MARCHF1: variants seen among roughly 807,000 people sequenced by gnomAD.
MARCHF1 encodes membrane associated ring-CH-type finger 1, also known as E3 ubiquitin-protein ligase MARCHF1.
Under a neutral mutation model 54.2 loss-of-function variants are expected in MARCHF1, and 40 were observed. The ratio of observed to expected loss-of-function variants is 0.74; its 90% CI spans 0.57 to 0.96. The LOEUF is 0.96. MARCHF1 is among the 40% of genes least tolerant of loss of function. The pLI is 0.00. For missense variants in MARCHF1, 586 were observed against 656.5 expected, an observed-to-expected ratio of 0.89 and a Z score of 1.17; for synonymous variants, 236 against 236.3, an observed-to-expected ratio of 1.00 and a Z score of 0.01.
At chr4:164,271,711 T>C (rs182776442) in intron 1 of MARCHF1, among the ~76,000 whole-genome samples, 73 of 152,120 alleles carry the variant, frequency 4.8e-4, no homozygotes, top group African/African-American at 1.8e-3. Context: ...TCCAGGAAAA[T>C]ACTTAAAACA....
At chr4:164,207,702 C>A (rs544066778) in intron 1 of MARCHF1, among the ~76,000 whole-genome samples, 2 of 152,242 alleles carry the variant, frequency 1.3e-5, no homozygotes, top group African/African-American at 4.8e-5. Context: ...CGGGGGTTCC[C>A]TGCTGAAGAC....
At chr4:164,012,564 G>C (rs1753446296) in intron 2 of MARCHF1, among the ~76,000 whole-genome samples, 1 of 152,146 alleles carries the variant, frequency 6.6e-6, no homozygotes, top group Non-Finnish European at 1.5e-5. Context: ...GTGGCCACAG[G>C]CTTTGGGTGA....
intron 5 of MARCHF1, among the ~76,000 whole-genome samples, chr4:163,629,014 T>C (rs1741974049): frequency 1.3e-5 from 2 of 152,142 alleles, no homozygotes; most frequent in South Asian, 4.1e-4. Flanking sequence ...CCCATCAAAC[T>C]ACCAATGACT....
Position 163,594,962 on chromosome 4 carries a change from T to C in MARCHF1, c.1011-9033A>G, listed in dbSNP as rs532503096. On this transcript the variant is annotated intron_variant, in intron 7 of 9. Transcript: ENST00000514618. ...TCCCACGTCTAAGTATCCAGAAGAA[T>C]TGAAATCAGGACCTCAGATAGGTAT... Among the ~76,000 whole-genome samples, 4 of 152,298 alleles carry C rather than the reference T, an allele frequency of 2.6e-5. No individual in the cohort carries two copies. The South Asian group carries it at 8.3e-4, about 32-fold the overall frequency.
intron 5 of MARCHF1, among the ~76,000 whole-genome samples, chr4:163,663,742 A>G (rs182702304): frequency 2.0e-4 from 30 of 152,216 alleles, no homozygotes; most frequent in Admixed American, 1.3e-3. Flanking sequence ...TTCTGATTTC[A>G]ACATAGACTA....
intron 1 of MARCHF1, among the ~76,000 whole-genome samples, chr4:164,367,004 C>A (rs187543404): frequency 4.7e-4 from 71 of 152,192 alleles, no homozygotes; most frequent in Non-Finnish European, 7.4e-4. Context: ...GCCTAAGTTT[C>A]TTCCATTCTT....
intron 3 of MARCHF1, among the ~76,000 whole-genome samples, chr4:163,904,544 G>A (rs1751013954): frequency 6.6e-6 from 1 of 152,062 alleles, no homozygotes; most frequent in Admixed American, 6.6e-5. Flanking sequence ...AGAAATGGAT[G>A]GTTTTCTGGG....
rs529865316 is a variant in MARCHF1 at position 163,615,216 on chromosome 4, AGTT to A, written c.163-1826_163-1824del. ...GAGGTGGGGTGATCCCTATGATAGT[AGTT>A]ATAGGAAATTAATAAGGAGGTAACG... On this transcript the variant is annotated intron_variant, in intron 5 of 9. Transcript: ENST00000514618. Among the ~76,000 whole-genome samples the A allele has an allele frequency of 1.1e-4, 16 of 152,212 alleles. No individual in the cohort carries two copies. In the South Asian group the frequency reaches 3.3e-3, roughly 32 times the overall value.
intron 3 of MARCHF1, among the ~76,000 whole-genome samples, chr4:163,873,070 A>C (rs12646279): frequency 0.42 from 59,612 of 143,264 alleles, 12,913 homozygotes; most frequent in East Asian, 0.64. Context: ...AACAAACAAA[A>C]AAAAACAAAC....
In MARCHF1 at chr4:163,527,491, T is replaced by TTTA. The variant is rs1458482001; in HGVS notation, c.*1254_*1256dup. On this transcript the variant is annotated 3_prime_UTR_variant, in exon 10 of 10. Transcript: ENST00000514618. ...GTAAGTACTTCATAGTAACAATTTA[T>TTTA]TTATTTCACAACTCTGCTATAGGCA... 1.3e-5 allele frequency: 2 copies of TTTA among 149,260 alleles called. No homozygotes were observed. The highest frequency in any genetic ancestry group is 2.1e-4 in the South Asian group (1 of 4,720). The allele number at this position is 149,260 out of a possible 1,614,324, so 9.2% of individuals were successfully genotyped here.
intron 1 of MARCHF1, among the ~76,000 whole-genome samples, chr4:164,286,149 A>T (rs1734143165): frequency 6.6e-6 from 1 of 152,166 alleles, no homozygotes; most frequent in Admixed American, 6.5e-5. Context: ...ACCTGTACTA[A>T]ACTCTCAAAA....
chr4:164,048,221 A>G (rs1272921669), intron 2 of MARCHF1, among the ~76,000 whole-genome samples: 3 of 152,164 alleles, frequency 2.0e-5, no homozygotes, highest in Non-Finnish European at 4.4e-5. Context: ...GCTTAAACAA[A>G]TCAGTATTTT....
At position 163,527,516 on chromosome 4, in the gene MARCHF1, A is replaced by AGATT. The variant is rs66489860; in HGVS notation, c.*1228_*1231dup. 6.6e-6 allele frequency: 1 copy of AGATT among 151,510 alleles called. No individual in the cohort carries two copies. Among genetic ancestry groups the AGATT allele is most frequent in the African/African-American group, 2.4e-5 (1 of 41,338 alleles). 9.4% of individuals were successfully genotyped at this position (151,510 alleles called of 1,614,324 possible). A position where few individuals can be genotyped will look rare whatever the true frequency, so the allele number is the denominator to read the frequency against. On this transcript the variant is annotated 3_prime_UTR_variant, in exon 10 of 10. Transcript: ENST00000514618. Reference sequence around the variant, plus strand: ...TTTATTTCACAACTCTGCTATAGGCAGATTGATTGTTTTATCTTTCTATAC... The same window carrying AGATT: ...TTTATTTCACAACTCTGCTATAGGCAGATTGATTGATTGTTTTATCTTTCTATAC...
chr4:164,012,406 T>G (rs1167373867), intron 2 of MARCHF1, among the ~76,000 whole-genome samples: 1 of 152,120 alleles, frequency 6.6e-6, no homozygotes, highest in Non-Finnish European at 1.5e-5. Context: ...TTCCAGGTCT[T>G]TGCTCCTGGA....
intron 3 of MARCHF1, among the ~76,000 whole-genome samples, chr4:163,980,624 C>T (rs1054668237): frequency 6.6e-6 from 1 of 152,110 alleles, no homozygotes; most frequent in African/African-American, 2.4e-5. Context: ...ATGCTTGAGT[C>T]AGATAGTAAA....
At chr4:164,024,856 G>T (rs1229592347) in intron 2 of MARCHF1, among the ~76,000 whole-genome samples, 1 of 152,042 alleles carries the variant, frequency 6.6e-6, no homozygotes, top group Non-Finnish European at 1.5e-5. Context: ...CACATGTAGT[G>T]ATAACCACAG....
intron 4 of MARCHF1, among the ~76,000 whole-genome samples, chr4:163,722,147 G>T (rs1367792730): frequency 6.6e-6 from 1 of 151,984 alleles, no homozygotes; most frequent in African/African-American, 2.4e-5. Flanking sequence ...GATCTTTCCT[G>T]CTTTCTCTTG....
chr4:164,078,839 C>T (rs893749100), intron 2 of MARCHF1, among the ~76,000 whole-genome samples: 4 of 151,972 alleles, frequency 2.6e-5, no homozygotes, highest in Admixed American at 6.6e-5. Flanking sequence ...TTAATGGGTG[C>T]AGCACACCAA....
chr4:164,303,920 C>T (rs1255085756), intron 1 of MARCHF1, among the ~76,000 whole-genome samples: 1 of 152,184 alleles, frequency 6.6e-6, no homozygotes, highest in South Asian at 2.1e-4. Flanking sequence ...GGGTAATCGA[C>T]ACTCCGAGTG....
Sources: allele counts gnomAD v4.1 joint callset (sites outside exome capture counted in the v4.1 genomes callset), GRCh38; gene constraint gnomAD v4.1.1; transcripts MANE v1.5; gene names NCBI Gene and HGNC (gene_info 2026-07-23, HGNC 2026-07-21).